Variants in MIA2 observed in about 807,000 individuals in gnomAD.
The protein encoded by MIA2 is MIA SH3 domain ER export factor 2.
MIA2 carries 127 observed loss-of-function variants against 167.8 expected under a neutral mutation model. The observed-to-expected ratio is 0.76, with a 90% CI of 0.66 to 0.88. MIA2 has a LOEUF of 0.88. MIA2 is among the 40% of genes least tolerant of loss of function. MIA2 has a pLI of 0.00. For synonymous variants in MIA2, 552 were observed against 541.9 expected (o/e 1.02, Z -0.26); for missense variants, 1,690 against 1,624.7 (o/e 1.04, Z -0.69).
intron 24 of MIA2, among the ~76,000 whole-genome samples, chr14:39,323,572 C>A (rs2152981177): frequency 6.6e-6 from 1 of 151,606 alleles, no homozygotes; most frequent in East Asian, 1.9e-4. Flanking sequence ...ATAGTACTTG[C>A]CATTACAGTT....
At chr14:39,304,201 TA>T in intron 16 of MIA2, 89 bp from the exon 17 acceptor site, 1 of 515,670 alleles carries the variant, frequency 1.9e-6, no homozygotes, top group Non-Finnish European at 3.4e-6. Context: ...TAAAAAGTGT[TA>T]GGGGGGTCAT....
Position 39,251,554 on chromosome 14 carries a change from T to C in MIA2, c.1568-1194T>C, listed in dbSNP as rs868794457. Among the ~76,000 whole-genome samples the C allele has an allele frequency of 4.6e-5, 7 of 152,268 alleles. 1 individual carries two copies. In the Middle Eastern group the frequency reaches 0.01, roughly 222 times the overall value. ...TTTTAAAATAATCAATATAGCTACATATAAATTTGAGTATAATTATTGAAT... is the reference window on the plus strand; with the variant it reads ...TTTTAAAATAATCAATATAGCTACACATAAATTTGAGTATAATTATTGAAT... On this transcript the variant is annotated intron_variant, in intron 4 of 28. Transcript: ENST00000640607.
At chr14:39,302,856 T>A (rs1032487019) in intron 15 of MIA2, among the ~76,000 whole-genome samples, 3 of 152,092 alleles carry the variant, frequency 2.0e-5, no homozygotes, top group African/African-American at 4.8e-5. Context: ...AGTACAGAGG[T>A]CCCATGTACC....
intron 17 of MIA2, 127 bp downstream of exon 17, chr14:39,304,508 T>C (rs886733176): frequency 5.8e-5 from 29 of 500,696 alleles, no homozygotes; most frequent in Non-Finnish European, 9.3e-5. Flanking sequence ...CTTTTGTTCC[T>C]GTTGGGTATT....
intron 25 of MIA2, among the ~76,000 whole-genome samples, chr14:39,328,778 ATGTGT>A (rs1361534146): frequency 6.6e-6 from 1 of 151,874 alleles, no homozygotes; most frequent in South Asian, 2.1e-4. Flanking sequence ...TTGGTTGTAG[ATGTGT>A]TGTGTTATTT....
chr14:39,297,589 T>C (rs912897652), intron 13 of MIA2, among the ~76,000 whole-genome samples: 1 of 152,036 alleles, frequency 6.6e-6, no homozygotes, highest in Non-Finnish European at 1.5e-5. Context: ...TTCAGTATGT[T>C]ACTTCCACCT....
chr14:39,287,807 CG>C (rs1335994833), intron 9 of MIA2, among the ~76,000 whole-genome samples: 1 of 150,910 alleles, frequency 6.6e-6, no homozygotes, highest in East Asian at 2.0e-4. Flanking sequence ...ATGATCTGCC[CG>C]CCTCGGCCTC....
At chr14:39,293,184 T>C in intron 10 of MIA2, 87 bp from the exon 11 acceptor site, 1 of 889,402 alleles carries the variant, frequency 1.1e-6, no homozygotes, top group South Asian at 1.5e-5. Context: ...TTATTTAACT[T>C]ATAGTACATA....
intron 25 of MIA2, 32 bp downstream of exon 25, chr14:39,327,054 T>A: frequency 7.0e-7 from 1 of 1,427,088 alleles, no homozygotes; most frequent in Non-Finnish European, 9.2e-7. Flanking sequence ...TATTTCTCTT[T>A]GAAAGGCAGC....
chr14:39,378,890 C>T (rs978741256), intron 23 of MIA2, among the ~76,000 whole-genome samples: 1 of 152,116 alleles, frequency 6.6e-6, no homozygotes, highest in African/African-American at 2.4e-5. Flanking sequence ...GTTTAAAATA[C>T]TTGATATTGC....
At chr14:39,251,476 AG>A (rs955865648) in intron 4 of MIA2, among the ~76,000 whole-genome samples, 1 of 152,114 alleles carries the variant, frequency 6.6e-6, no homozygotes, top group African/African-American at 2.4e-5. Context: ...AAAATAGTAT[AG>A]GGAATATTCA....
chr14:39,240,957 G>A (rs757451210), intron 3 of MIA2, among the ~76,000 whole-genome samples: 1 of 152,086 alleles, frequency 6.6e-6, no homozygotes, highest in Non-Finnish European at 1.5e-5. Flanking sequence ...TATGTGGCCT[G>A]GTATGCCTCA....
intron 10 of MIA2, among the ~76,000 whole-genome samples, chr14:39,292,329 AT>A (rs1414324442): frequency 6.6e-6 from 1 of 152,152 alleles, no homozygotes; most frequent in Non-Finnish European, 1.5e-5. Context: ...GTAATGAATT[AT>A]TATAGGAGTA....
At position 39,320,929 on chromosome 14, in the gene MIA2, G is replaced by C. The variant is rs769364726; in HGVS notation, c.3369G>C (p.Glu1123Asp). Residue 1123 changes from glutamate (E) to aspartate (D), a missense_variant and splice_region_variant, in exon 24 of 29, where the codon GAG becomes GAC. By Grantham distance (45) the Glu-to-Asp change is conservative. Coordinates refer to ENST00000640607, the MANE Select transcript of MIA2 (RefSeq NM_001329214.4). The stretch of plus-strand genomic sequence containing the variant: ...AATATGCTGTTTTAATTATTCCAGA[G>C]CATTCCCCATATGGTCCCTCACCAT... ...LDVPNTAFGR[E>D]HSPYGPSPLG... The C allele has an allele frequency of 5.6e-6, 9 of 1,612,352 alleles. No homozygotes were observed. In the Admixed American group the frequency reaches 1.5e-4, roughly 27 times the overall value.
At chr14:39,329,768 C>T (rs1031127100) in intron 25 of MIA2, among the ~76,000 whole-genome samples, 2 of 151,056 alleles carry the variant, frequency 1.3e-5, no homozygotes, top group Non-Finnish European at 2.9e-5. Flanking sequence ...TGATGAATTA[C>T]GTTTACTAAT....
chr14:39,267,613 C>G lies in MIA2; in HGVS notation c.1888-9321C>G, dbSNP rs1395549883. 5.4e-6 allele frequency: 8 copies of G among 1,479,050 alleles called. No individual in the cohort carries two copies. In the Admixed American group the frequency reaches 1.6e-4, roughly 30 times the overall value. 91.6% of individuals were successfully genotyped at this position (1,479,050 alleles called of 1,614,324 possible). A position where few individuals can be genotyped will look rare whatever the true frequency, so the allele number is the denominator to read the frequency against. On this transcript the variant is annotated intron_variant, in intron 6 of 28. Coordinates refer to ENST00000640607, the MANE Select transcript of MIA2 (RefSeq NM_001329214.4). ...AGTAGACCGGCTTTGGGGTCTAAGCCGCCGTGGTCAGAGGTCCCGAAGCCA... is the reference window on the plus strand; with the variant it reads ...AGTAGACCGGCTTTGGGGTCTAAGCGGCCGTGGTCAGAGGTCCCGAAGCCA...
chr14:39,361,011 G>C (rs979589702), intron 23 of MIA2, among the ~76,000 whole-genome samples: 1 of 152,164 alleles, frequency 6.6e-6, no homozygotes, highest in Non-Finnish European at 1.5e-5. Context: ...TGGTCTGTGT[G>C]TCTATTTTTA....
At position 39,296,586 on chromosome 14, in the gene MIA2, C is replaced by T. The variant is rs989210934; in HGVS notation, c.2496+1557C>T. Reference sequence around the variant, plus strand: ...GTGAGCCACCGCGCCTGGCCACGGGCGGGGTTTTCTTTTCTTTTCTTTTTT... The same window carrying T: ...GTGAGCCACCGCGCCTGGCCACGGGTGGGGTTTTCTTTTCTTTTCTTTTTT... On this transcript the variant is annotated intron_variant, in intron 13 of 28. Transcript: ENST00000640607. 3.5e-3 allele frequency among the ~76,000 whole-genome samples: 499 copies of T among 141,426 alleles called. 1 individual carries two copies. Among genetic ancestry groups the T allele is most frequent in the African/African-American group, 0.012 (475 of 38,686 alleles). The allele number at this position is 141,426 out of a possible 152,430, so 92.8% of individuals were successfully genotyped here.
At chr14:39,331,035 CT>C (rs1368137545) in intron 25 of MIA2, among the ~76,000 whole-genome samples, 1 of 152,118 alleles carries the variant, frequency 6.6e-6, no homozygotes, top group Non-Finnish European at 1.5e-5. Context: ...TCTCGTTGAT[CT>C]GTCTAATATT....
Sources: allele counts gnomAD v4.1 joint callset (sites outside exome capture counted in the v4.1 genomes callset), GRCh38; gene constraint gnomAD v4.1.1; transcripts MANE v1.5; gene names NCBI Gene and HGNC (gene_info 2026-07-23, HGNC 2026-07-21).